Variants in CRIM1 observed in about 807,000 individuals in gnomAD.
CRIM1 encodes cysteine-rich motor neuron 1 protein.
A neutral mutation model predicts 116.4 loss-of-function variants in CRIM1; 32 were observed. The observed-to-expected ratio is 0.27, with a 90% CI of 0.21 to 0.37. The LOEUF (loss-of-function observed/expected upper bound fraction) is 0.37, where lower values mean the gene tolerates loss of function less well. Among genes scored for constraint, CRIM1 ranks in the 10% least tolerant of loss-of-function variants. The pLI is 1.00. For synonymous variants in CRIM1, 590 were observed against 509.2 expected, an observed-to-expected ratio of 1.16 and a Z score of -2.13; for missense variants, 1,331 against 1,354.8, an observed-to-expected ratio of 0.98 and a Z score of 0.28.
At chr2:36,531,024 GC>G (rs1253944681) in intron 13 of CRIM1, among the ~76,000 whole-genome samples, 1 of 152,164 alleles carries the variant, frequency 6.6e-6, no homozygotes, top group Non-Finnish European at 1.5e-5. Context: ...AAGAACAAAT[GC>G]CCCCGTTATA....
intron 1 of CRIM1, chr2:36,378,423 C>T (rs1670481577): frequency 2.1e-6 from 1 of 470,928 alleles, no homozygotes; most frequent in Non-Finnish European, 4.4e-6. Context: ...ACAAATGGTC[C>T]CCCAAATGGT....
At chr2:36,530,723 A>G (rs773008103) in intron 13 of CRIM1, among the ~76,000 whole-genome samples, 17 of 152,192 alleles carry the variant, frequency 1.1e-4, no homozygotes, top group Non-Finnish European at 2.4e-4. Flanking sequence ...CATAGTATAC[A>G]TGGGCCCTTT....
intron 1 of CRIM1, among the ~76,000 whole-genome samples, chr2:36,377,031 T>C (rs766224305): frequency 6.6e-6 from 1 of 152,218 alleles, no homozygotes; most frequent in Admixed American, 6.5e-5. Flanking sequence ...TTTCAGGGTC[T>C]GAATCCCTTT....
chr2:36,539,466 A>T (rs1666791323), intron 14 of CRIM1, among the ~76,000 whole-genome samples: 1 of 152,128 alleles, frequency 6.6e-6, no homozygotes, highest in African/African-American at 2.4e-5. Context: ...GATTGTATTG[A>T]GTGAGATGAA....
chr2:36,469,290 A>G (rs1251920217), intron 5 of CRIM1, among the ~76,000 whole-genome samples: 1 of 152,174 alleles, frequency 6.6e-6, no homozygotes, highest in Non-Finnish European at 1.5e-5. Context: ...GAGAAAGGGG[A>G]TCTGAATACA....
chr2:36,412,667 A>C (rs1025465186), intron 2 of CRIM1, among the ~76,000 whole-genome samples: 7 of 152,196 alleles, frequency 4.6e-5, no homozygotes, highest in Non-Finnish European at 8.8e-5. Context: ...ATGAATTTTA[A>C]ATAGTGGCCC....
intron 1 of CRIM1, among the ~76,000 whole-genome samples, chr2:36,382,999 A>G (rs1446691028): frequency 6.6e-6 from 1 of 152,214 alleles, no homozygotes; most frequent in Non-Finnish European, 1.5e-5. Context: ...CTAATAAAAT[A>G]GTAATTAGAG....
intron 1 of CRIM1, among the ~76,000 whole-genome samples, chr2:36,357,766 G>A (rs1024120024): frequency 3.9e-5 from 6 of 152,170 alleles, no homozygotes; most frequent in Non-Finnish European, 5.9e-5. Context: ...CGGCGAGGAG[G>A]GACAGGCGCC....
At chr2:36,386,120 G>A (rs1427434470) in intron 1 of CRIM1, among the ~76,000 whole-genome samples, 4 of 151,994 alleles carry the variant, frequency 2.6e-5, no homozygotes, top group African/African-American at 7.2e-5. Context: ...GTTTACTCTT[G>A]GTGATTTGAC....
chr2:36,411,171 A>G (rs1673173497), intron 2 of CRIM1, among the ~76,000 whole-genome samples: 1 of 152,162 alleles, frequency 6.6e-6, no homozygotes, highest in Admixed American at 6.5e-5. Flanking sequence ...TAGGACCTTC[A>G]GATTGCCTTC....
intron 2 of CRIM1, among the ~76,000 whole-genome samples, chr2:36,408,412 T>C (rs190710018): frequency 2.6e-5 from 4 of 152,330 alleles, no homozygotes; most frequent in African/African-American, 9.6e-5. Context: ...GAGTTGCTGC[T>C]TTGCCCAGCT....
At chr2:36,369,434 CT>C (rs1473846358) in intron 1 of CRIM1, among the ~76,000 whole-genome samples, 2 of 152,212 alleles carry the variant, frequency 1.3e-5, no homozygotes, top group Admixed American at 6.5e-5. Context: ...GTGCACACAG[CT>C]TTCCAGCTAC....
intron 2 of CRIM1, among the ~76,000 whole-genome samples, chr2:36,405,723 G>T (rs1428112939): frequency 6.6e-6 from 1 of 152,090 alleles, no homozygotes; most frequent in Non-Finnish European, 1.5e-5. Context: ...ACCTAATTTT[G>T]ATTTCCACTA....
chr2:36,433,317 G>A (rs1162500620), intron 2 of CRIM1, among the ~76,000 whole-genome samples: 1 of 152,192 alleles, frequency 6.6e-6, no homozygotes, highest in East Asian at 1.9e-4. Context: ...CATTATGAAT[G>A]CAATTCCATA....
chr2:36,410,205 T>G (rs1673101770), intron 2 of CRIM1, among the ~76,000 whole-genome samples: 1 of 152,232 alleles, frequency 6.6e-6, no homozygotes, highest in Admixed American at 6.5e-5. Flanking sequence ...GTGTTTTTTT[T>G]GTTTCTGGTT....
chr2:36,380,589 GA>G (rs1418309671), intron 1 of CRIM1, among the ~76,000 whole-genome samples: 2 of 152,184 alleles, frequency 1.3e-5, no homozygotes, highest in African/African-American at 4.8e-5. Flanking sequence ...GAAATCAAAA[GA>G]AGGACATAAA....
At chr2:36,459,375 A>G (rs1197277551) in intron 4 of CRIM1, among the ~76,000 whole-genome samples, 1 of 152,230 alleles carries the variant, frequency 6.6e-6, no homozygotes, top group Non-Finnish European at 1.5e-5. Context: ...ATGTATAAAA[A>G]TAAAAAATAT....
chr2:36,539,032 C>T (rs778330120), intron 14 of CRIM1, among the ~76,000 whole-genome samples: 63 of 152,120 alleles, frequency 4.1e-4, no homozygotes, highest in Non-Finnish European at 7.8e-4. Context: ...GCAGTGCACA[C>T]GGAGCTTACG....
chr2:36,464,445 C>T, intron 4 of CRIM1, 89 bp from the exon 5 acceptor site: 1 of 1,432,020 alleles, frequency 7.0e-7, no homozygotes, highest in East Asian at 2.3e-5. Context: ...AGGTACTTTG[C>T]CACAGCCACT....
Sources: gnomAD v4.1 joint callset for allele counts (sites outside exome capture counted in the v4.1 genomes callset) on GRCh38, gnomAD v4.1.1 for gene constraint, MANE v1.5 for transcripts, NCBI Gene and HGNC (gene_info 2026-07-23, HGNC 2026-07-21) for gene names.